Variants in GZMM observed in about 807,000 individuals in gnomAD.
GZMM encodes the protein granzyme M.
GZMM carries 23 observed loss-of-function variants against 19.2 expected under a neutral mutation model. That is an observed-to-expected ratio of 1.20 (90% CI 0.86 to 1.69). The LOEUF (loss-of-function observed/expected upper bound fraction) is 1.69. Ranked by LOEUF, GZMM falls within the 40% of genes most tolerant of loss-of-function variation. The probability of loss-of-function intolerance (pLI) is 0.00; values close to 1 mark genes in which losing one functional copy is unlikely to be tolerated. For missense variants in GZMM, 373 were observed against 352.2 expected, an observed-to-expected ratio of 1.06 and a Z score of -0.47; for synonymous variants, 178 against 160.2, an observed-to-expected ratio of 1.11 and a Z score of -0.84.
In GZMM at chr19:544,138, C is replaced by T; in HGVS notation, c.55+12C>T. ...GGCCCTGTCAGTAGGTGAGTGGGAG[C>T]CGGGATGCAGGGGGGACACTGAGGC... On this transcript the variant is annotated intron_variant, in intron 1 of 4. Coordinates refer to ENST00000264553, the MANE Select transcript of GZMM (RefSeq NM_005317.4). The T allele has an allele frequency of 6.5e-7, 1 of 1,549,418 alleles. No individual in the cohort carries two copies.
At chr19:545,325 G>A (rs940820023) in intron 1 of GZMM, among the ~76,000 whole-genome samples, 1 of 152,166 alleles carries the variant, frequency 6.6e-6, no homozygotes, top group Non-Finnish European at 1.5e-5. Flanking sequence ...GCAGCTAAGT[G>A]AGACAGACAA....
intron 1 of GZMM, among the ~76,000 whole-genome samples, chr19:545,107 T>TTCCCTCCACCCGTCGTCCCTCCC (rs1380199814): frequency 6.6e-6 from 1 of 151,718 alleles, no homozygotes; most frequent in African/African-American, 2.4e-5. Flanking sequence ...CCATCCCTCC[T>TTCCCTCCACCCGTCGTCCCTCCC]TCCTTTCTCC....
intron 2 of GZMM, among the ~76,000 whole-genome samples, chr19:547,954 T>G (rs1264623705): frequency 6.6e-6 from 1 of 152,028 alleles, no homozygotes; most frequent in Non-Finnish European, 1.5e-5. Context: ...ATCAAGATGG[T>G]CAAAGTAACA....
intron 2 of GZMM, 53 bp downstream of exon 2, chr19:547,489 G>A (rs1600441281): frequency 1.6e-5 from 21 of 1,297,616 alleles, no homozygotes; most frequent in East Asian, 8.4e-5. Context: ...ATCCGACGGC[G>A]CCCATTCTCT....
At chr19:548,794 C>T (rs1980391400) in intron 3 of GZMM, 117 bp downstream of exon 3, 11 of 587,884 alleles carry the variant, frequency 1.9e-5, no homozygotes, top group South Asian at 1.7e-4. Flanking sequence ...TGCCCCTCCC[C>T]CCGCACTACT....
chr19:546,075 G>A (rs886492849), intron 1 of GZMM, among the ~76,000 whole-genome samples: 2 of 140,990 alleles, frequency 1.4e-5, no homozygotes, highest in Non-Finnish European at 3.1e-5. Flanking sequence ...CCACTGCACC[G>A]GCCCGCAAGC....
chr19:547,936 G>A (rs1157282070), intron 2 of GZMM, among the ~76,000 whole-genome samples: 1 of 152,124 alleles, frequency 6.6e-6, no homozygotes, highest in Non-Finnish European at 1.5e-5. Flanking sequence ...CCGTCATACA[G>A]AGCCCAGATC....
chr19:547,883 C>A (rs149910037), intron 2 of GZMM, among the ~76,000 whole-genome samples: 2 of 152,148 alleles, frequency 1.3e-5, no homozygotes, highest in Non-Finnish European at 2.9e-5. Context: ...ATCAGGAAGC[C>A]GCTAAATGAC....
At chr19:544,147 AG>A (rs767158964) in intron 1 of GZMM, 21 bp downstream of exon 1, 4 of 1,538,056 alleles carry the variant, frequency 2.6e-6, no homozygotes, top group Non-Finnish European at 1.8e-6. Context: ...GCCGGGATGC[AG>A]GGGGGACACT....
At chr19:546,658 T>G (rs1448013038) in intron 1 of GZMM, among the ~76,000 whole-genome samples, 1 of 149,594 alleles carries the variant, frequency 6.7e-6, no homozygotes, top group Non-Finnish European at 1.5e-5. Flanking sequence ...GCTAACATGG[T>G]GAAACCCCAT....
rs545215097 is a variant in GZMM, at chr19:549,378, G to C, written c.612+193G>C. ...GGCTCAGACAGGTTTAGCAACCTGC[G>C]CAAGACCACACAGCCGGGAAGCGGC... On this transcript the variant is annotated intron_variant, in intron 4 of 4. Transcript: ENST00000264553. Among the ~76,000 whole-genome samples, 41 of 152,308 alleles carry C rather than the reference G, an allele frequency of 2.7e-4. 1 individual carries two copies. The highest frequency in any genetic ancestry group is 9.1e-4 in the African/African-American group (38 of 41,558).
chr19:544,861 CGTT>C (rs1980205108), intron 1 of GZMM, among the ~76,000 whole-genome samples: 1 of 150,430 alleles, frequency 6.6e-6, no homozygotes. Flanking sequence ...TCCCTCCTTT[CGTT>C]CCCCCTTCCT....
intron 4 of GZMM, 109 bp downstream of exon 4, chr19:549,294 A>T: frequency 1.2e-4 from 113 of 920,684 alleles, no homozygotes; most frequent in Non-Finnish European, 1.7e-4. Context: ...GAGTCCTGTC[A>T]GGGGCTGGGG....
At chr19:546,791 TCGTGC>T (rs1980299448) in intron 1 of GZMM, among the ~76,000 whole-genome samples, 1 of 151,876 alleles carries the variant, frequency 6.6e-6, no homozygotes, top group Non-Finnish European at 1.5e-5. Flanking sequence ...TGAGCCGAGA[TCGTGC>T]CATTGCACTC....
intron 2 of GZMM, among the ~76,000 whole-genome samples, chr19:547,883 C>T (rs149910037): frequency 1.3e-3 from 200 of 152,266 alleles, no homozygotes; most frequent in African/African-American, 4.2e-3. Flanking sequence ...ATCAGGAAGC[C>T]GCTAAATGAC....
At chr19:544,987 T>C (rs925245060) in intron 1 of GZMM, among the ~76,000 whole-genome samples, 5 of 150,432 alleles carry the variant, frequency 3.3e-5, no homozygotes, top group African/African-American at 9.8e-5. Context: ...CCACCCGTCA[T>C]CCTTCCCTCC....
chr19:548,759 G>A (rs1459726251), intron 3 of GZMM, 82 bp downstream of exon 3: 31 of 783,878 alleles, frequency 4.0e-5, no homozygotes, highest in Admixed American at 1.1e-4. Context: ...CCCTCCCCCC[G>A]CTGCCGACCC....
chr19:546,618 T>G (rs1164480985), intron 1 of GZMM, among the ~76,000 whole-genome samples: 2 of 149,252 alleles, frequency 1.3e-5, no homozygotes, highest in Non-Finnish European at 3.0e-5. Flanking sequence ...GATGGGTGGA[T>G]CACAAGGTCA....
In GZMM at chr19:544,731, T is replaced by TA. The variant is rs1274447289; in HGVS notation, c.55+605_55+606insA. Among the ~76,000 whole-genome samples the TA allele has an allele frequency of 2.1e-3, 52 of 25,200 alleles. 2 individuals carry two copies. The highest frequency in any genetic ancestry group is 7.3e-3 in the African/African-American group (51 of 6,970). The allele number at this position is 25,200 out of a possible 152,430, so 16.5% of individuals were successfully genotyped here. The stretch of plus-strand genomic sequence containing the variant: ...ATCCCTCCCTCCCTCCCTCCCTCCC[T>TA]CCCTCATCTCCCCTTCCTTCCCTCT... On this transcript the variant is annotated intron_variant, in intron 1 of 4. Transcript: ENST00000264553.
Sources: allele counts gnomAD v4.1 joint callset (sites outside exome capture counted in the v4.1 genomes callset), GRCh38; gene constraint gnomAD v4.1.1; transcripts MANE v1.5; gene names NCBI Gene and HGNC (gene_info 2026-07-23, HGNC 2026-07-21).